The following ZNF76 variants were observed in gnomAD, a reference collection of about 807,000 sequenced individuals.
ZNF76 encodes zinc finger protein 523.
ZNF76 carries 66 observed loss-of-function variants against 66.9 expected under a neutral mutation model. The observed-to-expected ratio is 0.99, with a 90% confidence interval of 0.81 to 1.21. ZNF76 has a LOEUF of 1.21. Ranked by LOEUF, ZNF76 falls within the 50% of genes most tolerant of loss-of-function variation. The probability of loss-of-function intolerance (pLI) is 0.00; values close to 1 mark genes in which losing one functional copy is unlikely to be tolerated. For missense variants in ZNF76, 729 were observed against 760.3 expected (o/e 0.96, Z 0.48); for synonymous variants, 275 against 296.1 (o/e 0.93, Z 0.73).
At chr6:35,290,113 CTG>C in intron 5 of ZNF76, 151 bp from the exon 6 acceptor site, 1 of 989,326 alleles carries the variant, frequency 1.0e-6, no homozygotes, top group South Asian at 1.6e-5. Context: ...GCCCCAGCAT[CTG>C]TTCCTTGTCC....
intron 1 of ZNF76, among the ~76,000 whole-genome samples, chr6:35,276,802 T>G (rs865939670): frequency 1.4e-4 from 21 of 147,438 alleles, no homozygotes; most frequent in South Asian, 8.5e-4. Flanking sequence ...TTTTTTTTTT[T>G]TTTTTTTTTT....
chr6:35,268,327 T>G (rs1381285468), intron 1 of ZNF76, among the ~76,000 whole-genome samples: 1 of 152,236 alleles, frequency 6.6e-6, no homozygotes, highest in African/African-American at 2.4e-5. Context: ...TTTAGATGTC[T>G]ACGTTTATAT....
intron 5 of ZNF76, chr6:35,288,149 GAGGAGTTAGGC>G: frequency 1.7e-6 from 1 of 580,614 alleles, no homozygotes; most frequent in East Asian, 3.9e-5. Context: ...TCCTTATGCT[GAGGAGTTAGGC>G]CCAGCTTCAC....
In ZNF76 at chr6:35,294,504, G is replaced by A. The variant is rs771363354; in HGVS notation, c.1543G>A (p.Ala515Thr). The change falls in exon 13 of 14, where the codon GCA becomes ACA. Residue 515 changes from alanine (A) to threonine (T), a missense_variant. By Grantham distance (58) the Ala-to-Thr change is moderately conservative (BLOSUM62 0). Coordinates refer to ENST00000373953, the MANE Select transcript of ZNF76 (RefSeq NM_003427.5). ...TGTGGTGGCTGAGGACTCAAGTGTAGCATCTCTTCGTCATCAACAGGTGGC... is the reference window on the plus strand; with the variant it reads ...TGTGGTGGCTGAGGACTCAAGTGTAACATCTCTTCGTCATCAACAGGTGGC... ...GAVVAEDSSVASLRHQQVALL... is the reference protein window; with the variant it reads ...GAVVAEDSSVTSLRHQQVALL... The A allele has an allele frequency of 2.5e-6, 4 of 1,614,088 alleles. No homozygotes were observed. The South Asian group carries it at 3.3e-5, about 13-fold the overall frequency.
intron 5 of ZNF76, among the ~76,000 whole-genome samples, chr6:35,289,128 T>A (rs1033517897): frequency 6.6e-6 from 1 of 152,114 alleles, no homozygotes; most frequent in Admixed American, 6.5e-5. Context: ...CTCTACCTAG[T>A]CCAAACTTGG....
At position 35,292,497 on chromosome 6, in the gene ZNF76, T is replaced by A; in HGVS notation, c.932-57T>A. The A allele has an allele frequency of 1.9e-6, 3 of 1,591,964 alleles. No homozygotes were observed. Among genetic ancestry groups the A allele is most frequent in the African/African-American group, 1.3e-5 (1 of 74,474 alleles). On this transcript the variant is annotated intron_variant, in intron 9 of 13. Coordinates refer to ENST00000373953, the MANE Select transcript of ZNF76 (RefSeq NM_003427.5). The surrounding 1 kb of genome is among the most constrained non-coding windows in gnomAD (Gnocchi z 4.7). ...AACCCTGTCCCTCACCCCTGTCCCC[T>A]TAGTTTCCCCCTTGCCAGCCCCAGT...
intron 11 of ZNF76, 92 bp downstream of exon 11, chr6:35,293,136 C>T (rs1790679495): frequency 9.0e-6 from 13 of 1,445,604 alleles, no homozygotes; most frequent in Non-Finnish European, 1.0e-5. Flanking sequence ...GACAGCCCCA[C>T]TGCCACCCAG....
intron 7 of ZNF76, 188 bp downstream of exon 7, chr6:35,290,904 A>C (rs1399830395): frequency 1.9e-5 from 12 of 628,466 alleles, no homozygotes; most frequent in Non-Finnish European, 3.1e-5. Context: ...GGTTCAGGCC[A>C]GCAGAAGGAG....
chr6:35,294,300 TA>T, intron 12 of ZNF76, 155 bp from the exon 13 acceptor site: 1 of 619,320 alleles, frequency 1.6e-6, no homozygotes, highest in South Asian at 2.0e-5. Flanking sequence ...CAGCCTTACT[TA>T]GCTCTGAGCC....
At chr6:35,291,798 T>C in intron 9 of ZNF76, 61 bp downstream of exon 9, 1 of 1,576,520 alleles carries the variant, frequency 6.3e-7, no homozygotes, top group Non-Finnish European at 8.6e-7. Context: ...TACTGTAGGC[T>C]TCCCATCTAA....
At chr6:35,283,839 C>T (rs867226907) in intron 2 of ZNF76, among the ~76,000 whole-genome samples, 1 of 152,168 alleles carries the variant, frequency 6.6e-6, no homozygotes, top group Admixed American at 6.5e-5. Flanking sequence ...TCATCTTCCC[C>T]CCATCTCAGC....
At chr6:35,293,140 C>T (rs1790679928) in intron 11 of ZNF76, 96 bp downstream of exon 11, 6 of 1,424,362 alleles carry the variant, frequency 4.2e-6, no homozygotes, top group South Asian at 4.1e-5. Context: ...GCCCCACTGC[C>T]ACCCAGCTTC....
intron 1 of ZNF76, among the ~76,000 whole-genome samples, chr6:35,275,164 A>G (rs1216677096): frequency 6.6e-6 from 1 of 152,050 alleles, no homozygotes; most frequent in Non-Finnish European, 1.5e-5. Context: ...CAAAAAAAAA[A>G]AGAAAAAAAA....
intron 2 of ZNF76, among the ~76,000 whole-genome samples, chr6:35,285,639 C>G (rs1789453000): frequency 1.3e-5 from 2 of 152,194 alleles, no homozygotes; most frequent in Non-Finnish European, 2.9e-5. Flanking sequence ...GTTCCAGAGT[C>G]TATTGTTTTT....
chr6:35,260,004 TC>T (rs1784959105), intron 1 of ZNF76, among the ~76,000 whole-genome samples, 163 bp downstream of exon 1: 1 of 69,172 alleles, frequency 1.4e-5, no homozygotes, highest in Non-Finnish European at 3.0e-5. Flanking sequence ...CCACCCAGGG[TC>T]CCTGCCCCTC....
chr6:35,291,727 C>T lies in ZNF76; in HGVS notation c.921C>T (p.Arg307=), dbSNP rs534854546. Residue 307 remains arginine (R), a synonymous_variant, in exon 9 of 14, where the codon CGC becomes CGT. Coordinates refer to ENST00000373953, the MANE Select transcript of ZNF76 (RefSeq NM_003427.5). ...TSATNYKNHV[R]IHTGEKPYVC... ...CCACCAACTATAAGAATCACGTGCGCATCCACACAGGTGGGCTAGCTGGCA... is the reference window on the plus strand; with the variant it reads ...CCACCAACTATAAGAATCACGTGCGTATCCACACAGGTGGGCTAGCTGGCA... 1.9e-6 allele frequency: 3 copies of T among 1,608,392 alleles called. No individual in the cohort carries two copies. The highest frequency in any genetic ancestry group is 1.7e-6 in the Non-Finnish European group (2 of 1,179,990).
At position 35,293,062 on chromosome 6, in the gene ZNF76, C is replaced by A; in HGVS notation, c.1329+18C>A. ...CCCAGCAGGTACAGGCCCTGGAGGG[C>A]AGAGGTGCCATACTAGCTGGCACTC... is the stretch of plus-strand genomic sequence containing the variant. On this transcript the variant is annotated intron_variant, in intron 11 of 13. Coordinates refer to ENST00000373953, the MANE Select transcript of ZNF76 (RefSeq NM_003427.5). The A allele has an allele frequency of 6.2e-7, 1 of 1,612,108 alleles. No homozygotes were observed. The highest frequency in any genetic ancestry group is 8.5e-7 in the Non-Finnish European group (1 of 1,179,062).
intron 1 of ZNF76, among the ~76,000 whole-genome samples, chr6:35,278,625 C>T (rs1167089115): frequency 6.6e-6 from 1 of 152,218 alleles, no homozygotes; most frequent in African/African-American, 2.4e-5. Flanking sequence ...CGTGAGAATC[C>T]AGTAGGCAGT....
Position 35,293,882 on chromosome 6 carries a change from C to T in ZNF76, c.1461C>T (p.Thr487=), listed in dbSNP as rs1790796088. 1.2e-6 allele frequency: 2 copies of T among 1,614,046 alleles called. No homozygotes were observed. Among genetic ancestry groups the T allele is most frequent in the African/African-American group, 1.3e-5 (1 of 74,906 alleles). ...CCACATCTGGCACACATACAGTCAC[C>T]ATGGTCAGCGCCGATGGCACCCAGA... is the stretch of plus-strand genomic sequence containing the variant. The part of the protein sequence containing the change: ...DLATSGTHTV[T]MVSADGTQTQ... Residue 487 remains threonine, a synonymous_variant, in exon 12 of 14, where the codon ACC becomes ACT. Coordinates refer to ENST00000373953, the MANE Select transcript of ZNF76 (RefSeq NM_003427.5).
Sources: gnomAD v4.1 joint callset for allele counts (sites outside exome capture counted in the v4.1 genomes callset) on GRCh38, gnomAD v4.1.1 for gene constraint, Gnocchi (gnomAD v3.1) non-coding constraint, MANE v1.5 for transcripts, NCBI Gene and HGNC (gene_info 2026-07-23, HGNC 2026-07-21) for gene names.